MYOM2: variants seen among roughly 807,000 people sequenced by gnomAD.
The protein encoded by MYOM2 is myomesin-2.
MYOM2 carries 254 observed loss-of-function variants against 187.6 expected under a neutral mutation model. The observed-to-expected ratio is 1.35, with a 90% CI of 1.22 to 1.50. The LOEUF (loss-of-function observed/expected upper bound fraction) is 1.50, where lower values mean the gene tolerates loss of function less well. Among genes scored for constraint, MYOM2 ranks in the 40% most tolerant of loss-of-function variants. The pLI, the probability that MYOM2 is intolerant of heterozygous loss-of-function variation, is 0.00. For synonymous variants in MYOM2, 981 were observed against 753.8 expected (o/e 1.30, Z -4.94); for missense variants, 2,796 against 1,924.0 (o/e 1.45, Z -8.48).
chr8:2,094,052 T>C lies in MYOM2; in HGVS notation c.2086T>C (p.Ser696Pro). 1.9e-6 allele frequency: 3 copies of C among 1,614,072 alleles called. No individual in the cohort carries two copies. Among genetic ancestry groups the C allele is most frequent in the Non-Finnish European group, 2.5e-6 (3 of 1,180,030 alleles). ...AVNAVGMSEN[S>P]QESDVIKVQA... ...CAATGCTGTGGGGATGAGTGAAAAT[T>C]CCCAGGAATCAGACGTCATAAAAGT... is the stretch of plus-strand genomic sequence containing the variant. Residue 696 changes from serine (S) to proline (P), a missense_variant, in exon 17 of 37, where the codon TCC (serine) becomes CCC (proline). Ser to Pro is a moderately conservative substitution (Grantham distance 74, BLOSUM62 -1). Coordinates refer to ENST00000262113, the MANE Select transcript of MYOM2 (RefSeq NM_003970.4).
chr8:2,140,481 G>C (rs114387354), intron 32 of MYOM2, among the ~76,000 whole-genome samples: 1 of 152,146 alleles, frequency 6.6e-6, no homozygotes, highest in Non-Finnish European at 1.5e-5. Context: ...CCATTATGTC[G>C]TGACAAGTAT....
chr8:2,080,275 T>A (rs1819576161), intron 13 of MYOM2, among the ~76,000 whole-genome samples: 1 of 152,180 alleles, frequency 6.6e-6, no homozygotes, highest in African/African-American at 2.4e-5. Context: ...AGAGAGGTGA[T>A]TTTGAGCTGC....
chr8:2,100,616 G>C, intron 19 of MYOM2: 1 of 474,746 alleles, frequency 2.1e-6, no homozygotes, highest in East Asian at 3.3e-5. Context: ...TGCTGGTCCC[G>C]AGAATGCAGT....
At chr8:2,090,215 C>G (rs1563047338) in intron 15 of MYOM2, 24 bp downstream of exon 15, 2 of 1,604,338 alleles carry the variant, frequency 1.2e-6, no homozygotes, top group East Asian at 2.2e-5. Flanking sequence ...CTGGGTGGCC[C>G]CAAGTCAGGA....
chr8:2,118,522 G>C (rs1797321245), intron 28 of MYOM2, among the ~76,000 whole-genome samples: 1 of 152,168 alleles, frequency 6.6e-6, no homozygotes, highest in Non-Finnish European at 1.5e-5. Context: ...TACTGGATAA[G>C]AGAGAAAAGT....
intron 13 of MYOM2, among the ~76,000 whole-genome samples, chr8:2,083,541 G>A (rs1015475049): frequency 5.3e-5 from 8 of 152,074 alleles, no homozygotes; most frequent in South Asian, 4.1e-4. Context: ...GGCATCTTGC[G>A]TGTGCTTAGC....
rs368377820 is a variant in MYOM2, at chr8:2,096,313, G to C, written c.2192G>C (p.Trp731Ser). Residue 731 changes from tryptophan (W) to serine (S), a missense_variant, in exon 18 of 37, where the codon TGG (tryptophan) becomes TCG (serine). Physicochemically the swap from Trp to Ser is radical, Grantham distance 177. Transcript: ENST00000262113. ...GACGGCCACTCCATGACCCTCGGCT[G>C]GAAGGTCCCGAAATTCAGTGGTGGC... Reference protein sequence around the residue: ...NCDGHSMTLGWKVPKFSGGSP... With the variant: ...NCDGHSMTLGSKVPKFSGGSP... The C allele has an allele frequency of 1.7e-5, 28 of 1,614,048 alleles. No homozygotes were observed. Among genetic ancestry groups the C allele is most frequent in the Non-Finnish European group, 2.3e-5 (27 of 1,180,034 alleles).
Position 2,052,234 on chromosome 8 carries a change from T to A in MYOM2, c.184T>A (p.Ser62Thr). The A allele has an allele frequency of 6.2e-7, 1 of 1,613,268 alleles. No homozygotes were observed. Among genetic ancestry groups the A allele is most frequent in the South Asian group, 1.1e-5 (1 of 90,800 alleles). Residue 62 changes from serine (S) to threonine (T), a missense_variant, in exon 3 of 37, where the codon TCC (serine) becomes ACC (threonine). Physicochemically the swap from Ser to Thr is moderately conservative, Grantham distance 58. Coordinates refer to ENST00000262113, the MANE Select transcript of MYOM2 (RefSeq NM_003970.4). Reference protein sequence around the residue: ...SSSQRASSQTSLGGTICRVCA... With the variant: ...SSSQRASSQTTLGGTICRVCA... ...TTCACAGAGAGCCTCCAGCCAGACG[T>A]CCCTGGGAGGAACCATCTGCAGGGT...
rs118107255 is a variant in MYOM2 at position 2,097,055 on chromosome 8, C to G, written c.2313+621C>G. On this transcript the variant is annotated intron_variant, in intron 18 of 36. Coordinates refer to ENST00000262113, the MANE Select transcript of MYOM2 (RefSeq NM_003970.4). Reference sequence around the variant, plus strand: ...GAGCATAGATGAATGACCCTCATCTCACACTACAGCTCCCGTCCGGACTGT... The same window carrying G: ...GAGCATAGATGAATGACCCTCATCTGACACTACAGCTCCCGTCCGGACTGT... 1.7e-5 allele frequency: 16 copies of G among 921,454 alleles called. No homozygotes were observed. The East Asian group carries it at 1.6e-3, about 93-fold the overall frequency. The allele number at this position is 921,454 out of a possible 1,614,324, so 57.1% of individuals were successfully genotyped here. A position where few individuals can be genotyped will look rare whatever the true frequency, so the allele number is the denominator to read the frequency against.
intron 11 of MYOM2, 94 bp from the exon 12 acceptor site, chr8:2,078,640 A>G: frequency 1.8e-6 from 2 of 1,133,240 alleles, no homozygotes; most frequent in South Asian, 1.3e-5. Flanking sequence ...TTGTCCTGTT[A>G]TAATCAGTGT....
chr8:2,088,798 G>A (rs924964621), intron 14 of MYOM2, among the ~76,000 whole-genome samples: 3 of 152,352 alleles, frequency 2.0e-5, no homozygotes, highest in Middle Eastern at 3.4e-3. Flanking sequence ...ATTGCTGGAT[G>A]GAATGGTAGT....
Position 2,140,865 on chromosome 8 carries a change from T to C in MYOM2, c.3943T>C (p.Ser1315Pro). 1 of 1,613,786 alleles carries C rather than the reference T, an allele frequency of 6.2e-7. No individual in the cohort carries two copies. ...IFDGKDNHQR[S>P]LDLSGQAFDE... is the part of the protein sequence containing the mutation. ...CGATGGCAAAGACAACCATCAACGCTCCCTTGACCTGTCCGGACAAGGTAA... is the reference window on the plus strand; with the variant it reads ...CGATGGCAAAGACAACCATCAACGCCCCCTTGACCTGTCCGGACAAGGTAA... Residue 1315 changes from serine (S) to proline (P), a missense_variant, in exon 33 of 37, where the codon TCC (serine) becomes CCC (proline). Coordinates refer to ENST00000262113, the MANE Select transcript of MYOM2 (RefSeq NM_003970.4).
rs1378027316 is a variant in MYOM2, at chr8:2,092,150, G to C, written c.1829-196G>C. Among the ~76,000 whole-genome samples the C allele has an allele frequency of 4.6e-5, 7 of 152,126 alleles. No individual in the cohort carries two copies. In the South Asian group the frequency reaches 1.2e-3, roughly 27 times the overall value. ...TTGTGTGGAGCTTGGGAAGAGATCA[G>C]AGAGACCAGCACCTCCCAATGGCCC... On this transcript the variant is annotated intron_variant, in intron 15 of 36. Transcript: ENST00000262113.
intron 19 of MYOM2, chr8:2,100,442 TCA>T (rs1796667818): frequency 5.7e-6 from 1 of 175,666 alleles, no homozygotes; most frequent in Non-Finnish European, 1.2e-5. Flanking sequence ...CCACATGCCC[TCA>T]GAGTTGCCGC....
chr8:2,144,577 G>A (rs977917983), intron 36 of MYOM2, 87 bp from the exon 37 acceptor site: 19 of 1,315,758 alleles, frequency 1.4e-5, no homozygotes, highest in Non-Finnish European at 1.9e-5. Context: ...ATGTAACTGA[G>A]TGTGACCTGG....
intron 24 of MYOM2, among the ~76,000 whole-genome samples, chr8:2,109,060 C>G (rs532507048): frequency 3.3e-5 from 5 of 152,188 alleles, no homozygotes; most frequent in African/African-American, 1.2e-4. Flanking sequence ...TTTAGTATAG[C>G]TGTTGCTAAT....
Position 2,059,213 on chromosome 8 carries a change from C to A in MYOM2, c.621C>A (p.Ser207Arg). 6.2e-7 allele frequency: 1 copy of A among 1,614,170 alleles called. No individual in the cohort carries two copies. The highest frequency in any genetic ancestry group is 8.5e-7 in the Non-Finnish European group (1 of 1,180,028). The change falls in exon 6 of 37, where the codon AGC becomes AGA. Residue 207 changes from serine to arginine, a missense_variant. Ser to Arg is a moderately radical substitution (Grantham distance 110). Transcript: ENST00000262113. ...AACCGGGAAAGTACAGGATTGAGAG[C>A]AACTATGGCGTACACACACTGGAGA... ...AAEPGKYRIE[S>R]NYGVHTLEIN... is the part of the protein sequence containing the mutation.
chr8:2,102,635 C>A (rs1238241160), intron 20 of MYOM2, 32 bp from the exon 21 acceptor site: 1 of 1,467,636 alleles, frequency 6.8e-7, no homozygotes, highest in Non-Finnish European at 9.5e-7. Flanking sequence ...ATTTTACCTC[C>A]ACACATCTGG....
chr8:2,085,155 C>G, intron 13 of MYOM2, 108 bp from the exon 14 acceptor site: 1 of 1,395,138 alleles, frequency 7.2e-7, no homozygotes, highest in Non-Finnish European at 9.7e-7. Context: ...CAAATAGAAA[C>G]AAAACAAGTT....
Sources: allele counts gnomAD v4.1 joint callset (sites outside exome capture counted in the v4.1 genomes callset), GRCh38; gene constraint gnomAD v4.1.1; transcripts MANE v1.5; gene names NCBI Gene and HGNC (gene_info 2026-07-23, HGNC 2026-07-21).